Variants in SUZ12 observed in about 807,000 individuals in gnomAD.
The protein encoded by SUZ12 is polycomb protein SUZ12.
Under a neutral mutation model 87.3 loss-of-function variants are expected in SUZ12, and 17 were observed. The ratio of observed to expected loss-of-function variants is 0.19; its 90% CI spans 0.13 to 0.29. SUZ12 has a LOEUF of 0.29. Ranked by LOEUF, SUZ12 falls within the 10% of genes least tolerant of loss-of-function variation. SUZ12 has a pLI of 1.00. For missense variants in SUZ12, 526 were observed against 912.2 expected (o/e 0.58, Z 5.45); for synonymous variants, 253 against 312.4 (o/e 0.81, Z 2.01).
In SUZ12 at chr17:32,000,146, C is replaced by G. The variant is rs1271632159; in HGVS notation, c.*1143C>G. ...TAGGTTTTTATTCCAACTCCGAGCA[C>G]TGTGGTTGAGTAACATCACCTCAAT... On this transcript the variant is annotated 3_prime_UTR_variant, in exon 16 of 16. Coordinates refer to ENST00000322652, the MANE Select transcript of SUZ12 (RefSeq NM_015355.4). 1 of 233,216 alleles carries G rather than the reference C, an allele frequency of 4.3e-6. No individual in the cohort carries two copies. Among genetic ancestry groups the G allele is most frequent in the African/African-American group, 2.2e-5 (1 of 45,312 alleles). The allele number at this position is 233,216 out of a possible 1,614,324, so 14.4% of individuals were successfully genotyped here. A position where few individuals can be genotyped will look rare whatever the true frequency, so the allele number is the denominator to read the frequency against.
At chr17:31,988,220 G>A (rs2142203747) in intron 9 of SUZ12, 100 bp from the exon 10 acceptor site, 2 of 1,191,290 alleles carry the variant, frequency 1.7e-6, no homozygotes, top group East Asian at 5.4e-5. Context: ...ATCTATTAAG[G>A]CAAATCCACA....
At chr17:31,950,672 A>C (rs1906914104) in intron 4 of SUZ12, among the ~76,000 whole-genome samples, 1 of 151,986 alleles carries the variant, frequency 6.6e-6, no homozygotes, top group Non-Finnish European at 1.5e-5. Context: ...CAAGAGTGTG[A>C]CTCTGTCTCA....
chr17:31,988,395 G>C lies in SUZ12; in HGVS notation c.1099G>C (p.Asp367His), dbSNP rs1352511299. 1 of 1,613,612 alleles carries C rather than the reference G, an allele frequency of 6.2e-7. No individual in the cohort carries two copies. The highest frequency in any genetic ancestry group is 8.5e-7 in the Non-Finnish European group (1 of 1,179,924). ...FTLRWTGETNDKSTAPIAKPL... is the reference protein window; with the variant it reads ...FTLRWTGETNHKSTAPIAKPL... ...TCTTCGTTGGACAGGAGAGACCAATGATAAATCTACGGCTCCTATTGCCAA... is the reference window on the plus strand; with the variant it reads ...TCTTCGTTGGACAGGAGAGACCAATCATAAATCTACGGCTCCTATTGCCAA... Residue 367 changes from aspartate (D) to histidine (H), a missense_variant, in exon 10 of 16, where the codon GAT (aspartate) becomes CAT (histidine). Physicochemically the swap from Asp to His is moderately conservative, Grantham distance 81 (BLOSUM62 -1). This residue lies in a region of SUZ12 where 85 missense variants were observed against 87.4 expected (regional missense o/e 0.97). Coordinates refer to ENST00000322652, the MANE Select transcript of SUZ12 (RefSeq NM_015355.4).
At position 31,937,610 on chromosome 17, in the gene SUZ12, A is replaced by C; in HGVS notation, c.274+90A>C. The C allele has an allele frequency of 6.7e-6, 10 of 1,494,498 alleles. No homozygotes were observed. The East Asian group carries it at 7.7e-5, about 12-fold the overall frequency. The allele number at this position is 1,494,498 out of a possible 1,614,324, so 92.6% of individuals were successfully genotyped here. A position where few individuals can be genotyped will look rare whatever the true frequency, so the allele number is the denominator to read the frequency against. ...CTGCTGGGCCCCCTTCCTCCTCGGGAGTCCACTTGTGTGGTAGTGGAGGGA... is the reference window on the plus strand; with the variant it reads ...CTGCTGGGCCCCCTTCCTCCTCGGGCGTCCACTTGTGTGGTAGTGGAGGGA... On this transcript the variant is annotated intron_variant, in intron 1 of 15. Coordinates refer to ENST00000322652, the MANE Select transcript of SUZ12 (RefSeq NM_015355.4).
chr17:31,997,686 AAG>A (rs1491161072), intron 15 of SUZ12, among the ~76,000 whole-genome samples: 22 of 151,156 alleles, frequency 1.5e-4, no homozygotes, highest in African/African-American at 5.4e-4. Context: ...AAAAAAAAAA[AAG>A]GCCACCTTGG....
intron 3 of SUZ12, among the ~76,000 whole-genome samples, chr17:31,945,020 C>T (rs1158765985): frequency 7.0e-6 from 1 of 141,910 alleles, no homozygotes; most frequent in Non-Finnish European, 1.5e-5. Flanking sequence ...TATGAATGTG[C>T]CGGTGCACTC....
At chr17:31,948,140 CAT>C (rs1906743067) in intron 4 of SUZ12, among the ~76,000 whole-genome samples, 6 of 152,076 alleles carry the variant, frequency 3.9e-5, no homozygotes, top group Admixed American at 3.9e-4. Flanking sequence ...TATCAGGCAA[CAT>C]ATTCATAACT....
At chr17:31,953,714 T>G (rs1372296427) in intron 4 of SUZ12, among the ~76,000 whole-genome samples, 1 of 148,578 alleles carries the variant, frequency 6.7e-6, no homozygotes, top group Non-Finnish European at 1.5e-5. Context: ...AGCCTCAATT[T>G]TTTTTTTTTT....
chr17:31,996,856 A>C lies in SUZ12; in HGVS notation c.1853A>C (p.Asn618Thr). ...GAGAAAGAAGTGATGAAACTCTGGA[A>C]TCTCCATGTCATGAAGCATGGGTAG... The part of the protein sequence containing the change: ...EGEKEVMKLW[N>T]LHVMKHGFIA... The change falls in exon 15 of 16, where the codon AAT becomes ACT. Residue 618 changes from asparagine to threonine, a missense_variant. Physicochemically the swap from Asn to Thr is moderately conservative, Grantham distance 65. Around this residue, in one of 9 missense-constraint regions of SUZ12, gnomAD observed 143 missense variants for 321.6 expected, o/e 0.44. Transcript: ENST00000322652. The C allele has an allele frequency of 6.5e-7, 1 of 1,542,454 alleles. No homozygotes were observed. The highest frequency in any genetic ancestry group is 8.7e-7 in the Non-Finnish European group (1 of 1,154,728).
At chr17:31,939,030 A>G (rs1403833639) in intron 1 of SUZ12, among the ~76,000 whole-genome samples, 1 of 152,206 alleles carries the variant, frequency 6.6e-6, no homozygotes, top group African/African-American at 2.4e-5. Flanking sequence ...AATGTAACTG[A>G]TATAATAGTA....
intron 5 of SUZ12, among the ~76,000 whole-genome samples, chr17:31,968,499 G>A (rs377660369): frequency 3.3e-5 from 5 of 152,228 alleles, no homozygotes; most frequent in African/African-American, 7.2e-5. Context: ...CCCAAAGTGC[G>A]GGGATTACAG....
Position 31,980,006 on chromosome 17 carries a change from A to G in SUZ12, c.918-2993A>G, listed in dbSNP as rs184193387. Among the ~76,000 whole-genome samples the G allele has an allele frequency of 2.6e-3, 383 of 146,524 alleles. 9 individuals carry two copies. The South Asian group carries it at 0.049, about 19-fold the overall frequency. The stretch of plus-strand genomic sequence containing the variant: ...GACTAACCCTAAAAAATATATATAT[A>G]TGTATAGAGAGAGAGAGAGAGAGAG... On this transcript the variant is annotated intron_variant, in intron 8 of 15. Transcript: ENST00000322652.
chr17:31,949,524 A>G (rs1044132080), intron 4 of SUZ12, among the ~76,000 whole-genome samples: 3 of 151,016 alleles, frequency 2.0e-5, no homozygotes, highest in South Asian at 2.1e-4. Context: ...TCTTTAATCT[A>G]TTTCTTTTTT....
rs941030044 is a variant in SUZ12 at position 32,000,586 on chromosome 17, C to T, written c.*1583C>T. On this transcript the variant is annotated 3_prime_UTR_variant, in exon 16 of 16. Transcript: ENST00000322652. ...ATTTTTGCCTCTGGATAGTAGATCT[C>T]GAGCGTTTATCTCGGGCTTTAATTT... The T allele has an allele frequency of 8.7e-6, 2 of 228,604 alleles. No homozygotes were observed. The highest frequency in any genetic ancestry group is 4.6e-5 in the African/African-American group (2 of 43,828). The allele number at this position is 228,604 out of a possible 1,614,324, so 14.2% of individuals were successfully genotyped here.
intron 4 of SUZ12, among the ~76,000 whole-genome samples, chr17:31,951,482 C>CT (rs1038403579): frequency 0.021 from 2,816 of 133,276 alleles, 55 homozygotes; most frequent in African/African-American, 0.04. Context: ...GTGGTTAGTT[C>CT]TTTTTTTTTT....
chr17:31,994,387 T>A, intron 12 of SUZ12, 177 bp from the exon 13 acceptor site: 1 of 500,190 alleles, frequency 2.0e-6, no homozygotes, highest in East Asian at 3.3e-5. Flanking sequence ...ATGACATAGT[T>A]AAGATTTTAA....
At chr17:31,948,243 A>G (rs1353322934) in intron 4 of SUZ12, among the ~76,000 whole-genome samples, 2 of 152,206 alleles carry the variant, frequency 1.3e-5, no homozygotes, top group Admixed American at 6.5e-5. Flanking sequence ...TCAAATATAT[A>G]CCTAGAACGA....
At chr17:31,968,228 C>G (rs1293272810) in intron 5 of SUZ12, among the ~76,000 whole-genome samples, 1 of 152,024 alleles carries the variant, frequency 6.6e-6, no homozygotes, top group African/African-American at 2.4e-5. Context: ...CTAATATAAC[C>G]ATTTTTTAAT....
intron 3 of SUZ12, among the ~76,000 whole-genome samples, chr17:31,945,061 C>CAAA (rs34314619): frequency 1.3e-5 from 1 of 79,254 alleles, no homozygotes; most frequent in Non-Finnish European, 2.5e-5. Flanking sequence ...GATGGTGTCT[C>CAAA]AAAAAAAAAA....
Sources: allele counts gnomAD v4.1 joint callset (sites outside exome capture counted in the v4.1 genomes callset), GRCh38; gene constraint gnomAD v4.1.1; regional missense constraint gnomAD v4.1.1; transcripts MANE v1.5; gene names NCBI Gene and HGNC (gene_info 2026-07-23, HGNC 2026-07-21).